ASCC1: variants seen among roughly 807,000 people sequenced by gnomAD.
ASCC1 encodes activating signal cointegrator 1 complex subunit 1.
ASCC1 carries 35 observed loss-of-function variants against 46.6 expected under a neutral mutation model. The ratio of observed to expected loss-of-function variants is 0.75; its 90% CI spans 0.57 to 0.99. The LOEUF (loss-of-function observed/expected upper bound fraction) is 0.99. ASCC1 is among the 50% of genes least tolerant of loss of function. The pLI, the probability that ASCC1 is intolerant of heterozygous loss-of-function variation, is 0.00. For missense variants in ASCC1, 376 were observed against 428.7 expected, an observed-to-expected ratio of 0.88 and a Z score of 1.09; for synonymous variants, 143 against 146.6, an observed-to-expected ratio of 0.98 and a Z score of 0.18.
intron 9 of ASCC1, among the ~76,000 whole-genome samples, chr10:72,115,913 A>C (rs1383047509): frequency 6.6e-6 from 1 of 152,246 alleles, no homozygotes; most frequent in Non-Finnish European, 1.5e-5. Context: ...CTCTAATAAG[A>C]AAGTTGTTCT....
intron 6 of ASCC1, among the ~76,000 whole-genome samples, chr10:72,160,382 C>G (rs920575767): frequency 3.3e-5 from 5 of 151,998 alleles, no homozygotes; most frequent in Non-Finnish European, 4.4e-5. Flanking sequence ...TCTCTTTTGT[C>G]AATCTTAAGT....
At chr10:72,165,514 C>T (rs1309709973) in intron 5 of ASCC1, among the ~76,000 whole-genome samples, 2 of 152,258 alleles carry the variant, frequency 1.3e-5, no homozygotes, top group African/African-American at 4.8e-5. Flanking sequence ...TGATAAAATG[C>T]TCCAAAGGCA....
intron 6 of ASCC1, among the ~76,000 whole-genome samples, chr10:72,155,731 C>T (rs1848879534): frequency 6.6e-6 from 1 of 152,104 alleles, no homozygotes; most frequent in African/African-American, 2.4e-5. Flanking sequence ...TGTTTTCTTC[C>T]TGGACCCCTT....
intron 4 of ASCC1, among the ~76,000 whole-genome samples, chr10:72,197,588 T>A (rs1050103812): frequency 2.0e-5 from 3 of 151,712 alleles, no homozygotes; most frequent in African/African-American, 7.3e-5. Context: ...GTAGTCACTA[T>A]GAAAAAGTTT....
intron 9 of ASCC1, among the ~76,000 whole-genome samples, chr10:72,116,823 G>A (rs996958877): frequency 6.6e-6 from 1 of 152,186 alleles, no homozygotes; most frequent in African/African-American, 2.4e-5. Context: ...GCCAGGCACA[G>A]TGGCTCATGC....
chr10:72,186,932 G>A (rs1255347849), intron 5 of ASCC1, among the ~76,000 whole-genome samples: 19 of 142,386 alleles, frequency 1.3e-4, no homozygotes, highest in Admixed American at 3.5e-4. Context: ...GAAAGCGGAT[G>A]CACATGCACA....
At chr10:72,140,259 A>T (rs572589491) in intron 7 of ASCC1, among the ~76,000 whole-genome samples, 33 of 152,328 alleles carry the variant, frequency 2.2e-4, no homozygotes, top group African/African-American at 7.0e-4. Flanking sequence ...GAGGAGTAAT[A>T]TAAGGGAAAT....
intron 9 of ASCC1, among the ~76,000 whole-genome samples, chr10:72,108,882 C>G (rs1400928053): frequency 6.6e-6 from 1 of 152,182 alleles, no homozygotes. Flanking sequence ...GGTACTCTGA[C>G]AGCTTACAGG....
intron 6 of ASCC1, among the ~76,000 whole-genome samples, chr10:72,160,464 G>T (rs1392339196): frequency 1.3e-5 from 2 of 152,100 alleles, no homozygotes; most frequent in African/African-American, 4.8e-5. Flanking sequence ...CCAGATGTAT[G>T]TGTAAATTAA....
intron 4 of ASCC1, 66 bp from the exon 5 acceptor site, chr10:72,197,055 T>C (rs1855542921): frequency 6.7e-7 from 1 of 1,490,664 alleles, no homozygotes; most frequent in Non-Finnish European, 9.3e-7. Context: ...CAGGACCTCT[T>C]GATACTGTCA....
At chr10:72,122,326 T>C (rs1284527911) in intron 9 of ASCC1, among the ~76,000 whole-genome samples, 1 of 149,894 alleles carries the variant, frequency 6.7e-6, no homozygotes, top group African/African-American at 2.5e-5. Flanking sequence ...GGCTGAGGCA[T>C]GAGAATTGCT....
At chr10:72,169,103 C>T (rs900782842) in intron 5 of ASCC1, among the ~76,000 whole-genome samples, 1 of 152,164 alleles carries the variant, frequency 6.6e-6, no homozygotes, top group Non-Finnish European at 1.5e-5. Context: ...TGTATAAACA[C>T]ATGTATACAA....
chr10:72,141,236 C>A (rs551772410), intron 7 of ASCC1, among the ~76,000 whole-genome samples: 1 of 152,216 alleles, frequency 6.6e-6, no homozygotes, highest in South Asian at 2.1e-4. Flanking sequence ...GCTCTCTCTT[C>A]CCACTTTTGA....
chr10:72,195,146 T>G (rs1168731330), intron 5 of ASCC1, among the ~76,000 whole-genome samples: 1 of 134,776 alleles, frequency 7.4e-6, no homozygotes, highest in African/African-American at 2.8e-5. Context: ...TGTGTTTTTT[T>G]TTTTTTTTTT....
At chr10:72,112,828 G>A (rs370654884) in intron 9 of ASCC1, among the ~76,000 whole-genome samples, 12 of 135,904 alleles carry the variant, frequency 8.8e-5, no homozygotes, top group African/African-American at 1.7e-4. Flanking sequence ...GCAGTGAGCC[G>A]AGATCCTCCA....
chr10:72,128,569 A>C (rs1481828593), intron 8 of ASCC1, among the ~76,000 whole-genome samples: 2 of 152,224 alleles, frequency 1.3e-5, no homozygotes, highest in African/African-American at 4.8e-5. Context: ...ATAATTTTAA[A>C]TATGTAAAAA....
chr10:72,129,205 T>C (rs955115989), intron 8 of ASCC1, among the ~76,000 whole-genome samples: 1 of 152,090 alleles, frequency 6.6e-6, no homozygotes, highest in Non-Finnish European at 1.5e-5. Context: ...ACCCCGTGCA[T>C]ATTTCACAAC....
intron 9 of ASCC1, 103 bp from the exon 10 acceptor site, chr10:72,097,553 C>T (rs1841226396): frequency 1.4e-6 from 1 of 710,296 alleles, no homozygotes; most frequent in Admixed American, 2.1e-5. Context: ...ACAATCCCAA[C>T]AAATCTCTCA....
intron 4 of ASCC1, among the ~76,000 whole-genome samples, chr10:72,200,118 C>T (rs1464836613): frequency 6.6e-6 from 1 of 151,958 alleles, no homozygotes; most frequent in Non-Finnish European, 1.5e-5. Flanking sequence ...TGGATAAGTT[C>T]TGGAATGAAT....
Sources: allele counts gnomAD v4.1 joint callset (sites outside exome capture counted in the v4.1 genomes callset), GRCh38; gene constraint gnomAD v4.1.1; transcripts MANE v1.5; gene names NCBI Gene and HGNC (gene_info 2026-07-23, HGNC 2026-07-21).